Variants in SRGAP1 observed in about 807,000 individuals in gnomAD.
SRGAP1 encodes the protein SLIT-ROBO Rho GTPase activating protein 1.
A neutral mutation model predicts 121.9 loss-of-function variants in SRGAP1; 43 were observed. The observed-to-expected ratio is 0.35, with a 90% CI of 0.28 to 0.46. SRGAP1 has a LOEUF of 0.46. Among genes scored for constraint, SRGAP1 ranks in the 20% least tolerant of loss-of-function variants. SRGAP1 has a pLI of 1.00. For synonymous variants in SRGAP1, 447 were observed against 485.4 expected (o/e 0.92, Z 1.04); for missense variants, 1,102 against 1,350.9 (o/e 0.82, Z 2.89).
At chr12:63,935,422 T>G (rs141453059) in intron 1 of SRGAP1, among the ~76,000 whole-genome samples, 1 of 152,222 alleles carries the variant, frequency 6.6e-6, no homozygotes, top group Non-Finnish European at 1.5e-5. Flanking sequence ...ATAGAAACAC[T>G]GATTTACACA....
chr12:63,867,079 G>A (rs1426668710), intron 1 of SRGAP1, among the ~76,000 whole-genome samples: 1 of 151,998 alleles, frequency 6.6e-6, no homozygotes, highest in African/African-American at 2.4e-5. Context: ...TCGAACTCCT[G>A]GACTTAAGTG....
intron 6 of SRGAP1, among the ~76,000 whole-genome samples, chr12:64,058,224 C>T (rs1320219976): frequency 6.6e-6 from 1 of 152,158 alleles, no homozygotes; most frequent in African/African-American, 2.4e-5. Context: ...GGACGTAACC[C>T]CACTGCAAAT....
intron 4 of SRGAP1, 38 bp from the exon 5 acceptor site, chr12:64,042,752 A>G: frequency 1.3e-6 from 2 of 1,549,734 alleles, no homozygotes; most frequent in Non-Finnish European, 1.8e-6. Flanking sequence ...TAAATGACAG[A>G]CAGACATCTT....
chr12:63,993,877 A>T (rs1001116332), intron 3 of SRGAP1, among the ~76,000 whole-genome samples: 3 of 152,084 alleles, frequency 2.0e-5, no homozygotes, highest in Non-Finnish European at 4.4e-5. Context: ...AAAAAAGTGA[A>T]GCATTTTAAA....
intron 1 of SRGAP1, among the ~76,000 whole-genome samples, chr12:63,900,198 C>CTTTTTTTTT (rs140960323): frequency 9.9e-6 from 1 of 100,562 alleles, no homozygotes; most frequent in African/African-American, 3.7e-5. Flanking sequence ...TTTTCTTTTT[C>CTTTTTTTTT]TTTTTCTTTT....
At chr12:63,971,419 G>A (rs1177745458) in intron 1 of SRGAP1, among the ~76,000 whole-genome samples, 3 of 152,192 alleles carry the variant, frequency 2.0e-5, no homozygotes, top group Admixed American at 1.3e-4. Context: ...AGATGAGTAC[G>A]TAAGCATTTT....
Position 64,097,233 on chromosome 12 carries a change from T to C in SRGAP1, c.1679-8T>C. On this transcript the variant is annotated splice_region_variant and splice_polypyrimidine_tract_variant and intron_variant, in intron 14 of 21. Transcript: ENST00000355086. ...TGTTAATGTAATGAGTTTTTTTTTT[T>C]TTTTTAGGTGAAAATCCTTTGGCTG... The C allele has an allele frequency of 6.4e-7, 1 of 1,570,470 alleles. No homozygotes were observed. The highest frequency in any genetic ancestry group is 8.5e-7 in the Non-Finnish European group (1 of 1,169,866).
intron 1 of SRGAP1, among the ~76,000 whole-genome samples, chr12:63,939,132 C>T (rs2031770494): frequency 6.7e-6 from 1 of 149,878 alleles, no homozygotes; most frequent in African/African-American, 2.5e-5. Context: ...ACTAGATCCA[C>T]CATGGGCCAC....
At position 64,145,626 on chromosome 12, in the gene SRGAP1, C is replaced by A. The variant is rs533476990; in HGVS notation, c.*2954C>A. 1 of 152,034 alleles carries A rather than the reference C, an allele frequency of 6.6e-6. No homozygotes were observed. Among genetic ancestry groups the A allele is most frequent in the East Asian group, 1.9e-4 (1 of 5,188 alleles). 9.4% of individuals were successfully genotyped at this position (152,034 alleles called of 1,614,324 possible). ...GAGTGAGGACTCAGTAAAGACTCAC[C>A]TCTCCTTACTTGGTTTATTAAATGT... On this transcript the variant is annotated 3_prime_UTR_variant, in exon 22 of 22. Transcript: ENST00000355086.
chr12:63,894,471 CT>C lies in SRGAP1; in HGVS notation c.67+49601del, dbSNP rs557308275. 3.7e-3 allele frequency among the ~76,000 whole-genome samples: 534 copies of C among 144,716 alleles called. 1 individual carries two copies. Among genetic ancestry groups the C allele is most frequent in the African/African-American group, 8.7e-3 (344 of 39,582 alleles). The allele number at this position is 144,716 out of a possible 152,430, so 94.9% of individuals were successfully genotyped here. A position where few individuals can be genotyped will look rare whatever the true frequency, so the allele number is the denominator to read the frequency against. On this transcript the variant is annotated intron_variant, in intron 1 of 21. Transcript: ENST00000355086. Reference sequence around the variant, plus strand: ...AATGCTCCTTCAGGTAGCTCACTCTCTTTTTTTTTTTTTAATTATACTTCAA... The same window carrying C: ...AATGCTCCTTCAGGTAGCTCACTCTCTTTTTTTTTTTTAATTATACTTCAA...
intron 1 of SRGAP1, among the ~76,000 whole-genome samples, chr12:63,853,466 T>C (rs1356450955): frequency 1.3e-5 from 2 of 152,238 alleles, no homozygotes; most frequent in African/African-American, 4.8e-5. Context: ...ATACATGCAA[T>C]GTTATGCAGT....
At chr12:63,969,980 C>T (rs2032897170) in intron 1 of SRGAP1, among the ~76,000 whole-genome samples, 1 of 152,078 alleles carries the variant, frequency 6.6e-6, no homozygotes, top group African/African-American at 2.4e-5. Context: ...ACATGTCCCT[C>T]CTGACTTTCT....
chr12:64,084,854 T>G (rs1400467874), intron 10 of SRGAP1, among the ~76,000 whole-genome samples: 1 of 152,090 alleles, frequency 6.6e-6, no homozygotes, highest in African/African-American at 2.4e-5. Context: ...TGATTACCTA[T>G]GTTATTAAAT....
intron 1 of SRGAP1, among the ~76,000 whole-genome samples, chr12:63,974,738 A>G (rs2033048246): frequency 6.6e-6 from 1 of 152,202 alleles, no homozygotes; most frequent in African/African-American, 2.4e-5. Context: ...AAAGTAGAAA[A>G]AGACCTTAGG....
At chr12:63,923,711 A>G (rs182262276) in intron 1 of SRGAP1, among the ~76,000 whole-genome samples, 4 of 152,328 alleles carry the variant, frequency 2.6e-5, no homozygotes, top group African/African-American at 4.8e-5. Context: ...TTATCAAAAA[A>G]CTTGTTAATT....
rs1037626588 is a variant in SRGAP1, at chr12:64,156,132, C to A, written c.*13460C>A. On this transcript the variant is annotated 3_prime_UTR_variant, in exon 22 of 22. Transcript: ENST00000355086. ...CCAGTATCTGGACCTAGATCTATTG[C>A]CTACAGAGCCGCACGTTTAACTACT... The A allele has an allele frequency of 6.6e-6, 1 of 152,132 alleles. No homozygotes were observed. The highest frequency in any genetic ancestry group is 1.5e-5 in the Non-Finnish European group (1 of 68,018). 9.4% of individuals were successfully genotyped at this position (152,132 alleles called of 1,614,324 possible).
chr12:63,932,950 G>T (rs1395668423), intron 1 of SRGAP1, among the ~76,000 whole-genome samples: 1 of 152,180 alleles, frequency 6.6e-6, no homozygotes, highest in African/African-American at 2.4e-5. Context: ...AGCACTTTGG[G>T]AGGCCAAGGT....
intron 6 of SRGAP1, among the ~76,000 whole-genome samples, chr12:64,061,761 C>T (rs938550433): frequency 1.3e-5 from 2 of 152,182 alleles, no homozygotes; most frequent in Non-Finnish European, 2.9e-5. Flanking sequence ...TTTATCTCTT[C>T]TGAACATTTC....
intron 1 of SRGAP1, among the ~76,000 whole-genome samples, chr12:63,933,139 G>A (rs1715643904): frequency 6.6e-6 from 1 of 152,170 alleles, no homozygotes; most frequent in Admixed American, 6.5e-5. Context: ...AGCAAGCTGA[G>A]ATCATGCCAC....
Sources: gnomAD v4.1 joint callset for allele counts (sites outside exome capture counted in the v4.1 genomes callset) on GRCh38, gnomAD v4.1.1 for gene constraint, MANE v1.5 for transcripts, NCBI Gene and HGNC (gene_info 2026-07-23, HGNC 2026-07-21) for gene names.